Variants in SAR1B observed in about 807,000 individuals in gnomAD.
The protein encoded by SAR1B is small COPII coat GTPase SAR1B.
Under a neutral mutation model 26.8 loss-of-function variants are expected in SAR1B, and 23 were observed. The ratio of observed to expected loss-of-function variants is 0.86; its 90% CI spans 0.62 to 1.22. The LOEUF (loss-of-function observed/expected upper bound fraction) is 1.22. Among genes scored for constraint, SAR1B ranks in the 50% most tolerant of loss-of-function variants. SAR1B has a pLI of 0.00. For missense variants in SAR1B, 196 were observed against 232.8 expected (o/e 0.84, Z 1.03); for synonymous variants, 65 against 80.8 (o/e 0.80, Z 1.05).
At chr5:134,622,436 A>T (rs1765426006) in intron 2 of SAR1B, among the ~76,000 whole-genome samples, 1 of 137,576 alleles carries the variant, frequency 7.3e-6, no homozygotes. Flanking sequence ...TTTGAGACGG[A>T]GTCTCGCTCT....
At position 134,603,478 on chromosome 5, in the gene SAR1B, T is replaced by C. The variant is rs1765075195; in HGVS notation, c.*3472A>G. 6.6e-6 allele frequency: 1 copy of C among 152,254 alleles called. No individual in the cohort carries two copies. Among genetic ancestry groups the C allele is most frequent in the South Asian group, 2.1e-4 (1 of 4,836 alleles). 9.4% of individuals were successfully genotyped at this position (152,254 alleles called of 1,614,324 possible). On this transcript the variant is annotated 3_prime_UTR_variant, in exon 7 of 7. Transcript: ENST00000402673. ...ATTTTAATGATTTACAAGTAGTTTA[T>C]GCGCTTTCCATCACTATAAAGTATG...
At position 134,611,099 on chromosome 5, in the gene SAR1B, G is replaced by T. The variant is rs183187314; in HGVS notation, c.245-1425C>A. Among the ~76,000 whole-genome samples the T allele has an allele frequency of 2.2e-4, 33 of 152,176 alleles. No homozygotes were observed. In the East Asian group the frequency reaches 6.4e-3, roughly 29 times the overall value. On this transcript the variant is annotated intron_variant, in intron 4 of 6. Coordinates refer to ENST00000402673, the MANE Select transcript of SAR1B (RefSeq NM_016103.4). ...GCTGGTCTTGAACTCCTGGCTTCAAGTGATCCTCCCAACCTCAGCCTCTCA... is the reference window on the plus strand; with the variant it reads ...GCTGGTCTTGAACTCCTGGCTTCAATTGATCCTCCCAACCTCAGCCTCTCA...
At position 134,606,823 on chromosome 5, in the gene SAR1B, A is replaced by G. The variant is rs1765135101; in HGVS notation, c.*127T>C. ...CTCATTCAAATTAAGTTGATTTAAT[A>G]TTAATAATCTAAAAAACATCTGTTT... is the stretch of plus-strand genomic sequence containing the variant. On this transcript the variant is annotated 3_prime_UTR_variant, in exon 7 of 7. Transcript: ENST00000402673. The G allele has an allele frequency of 8.1e-6, 6 of 742,544 alleles. No homozygotes were observed. The highest frequency in any genetic ancestry group is 7.1e-5 in the South Asian group (5 of 70,810). The allele number at this position is 742,544 out of a possible 1,614,324, so 46.0% of individuals were successfully genotyped here.
chr5:134,618,105 CAGG>C (rs965010545), intron 3 of SAR1B: 6 of 152,054 alleles, frequency 3.9e-5, no homozygotes, highest in African/African-American at 1.4e-4. Flanking sequence ...ATCACGAGGT[CAGG>C]AGATCGAGAC....
intron 3 of SAR1B, among the ~76,000 whole-genome samples, chr5:134,618,034 TTGGCCGGGC>T (rs1765342764): frequency 6.6e-6 from 1 of 152,174 alleles, no homozygotes; most frequent in African/African-American, 2.4e-5. Flanking sequence ...AAAAGATTTG[TTGGCCGGGC>T]GCAGTGGCTG....
rs1325452571 is a variant in SAR1B at position 134,632,739 on chromosome 5, G to A, written c.-30C>T. The A allele has an allele frequency of 2.6e-5, 4 of 152,482 alleles. No homozygotes were observed. Among genetic ancestry groups the A allele is most frequent in the African/African-American group, 9.6e-5 (4 of 41,476 alleles). The allele number at this position is 152,482 out of a possible 1,614,324, so 9.4% of individuals were successfully genotyped here. ...GGGCTGTCACTCACCTGCGACTGGAGGGAACGCAATCCCCTACTTGGCGTT... is the reference window on the plus strand; with the variant it reads ...GGGCTGTCACTCACCTGCGACTGGAAGGAACGCAATCCCCTACTTGGCGTT... On this transcript the variant is annotated 5_prime_UTR_variant, in exon 1 of 7. Transcript: ENST00000402673.
At chr5:134,625,365 T>C (rs755224927) in intron 1 of SAR1B, among the ~76,000 whole-genome samples, 4 of 151,934 alleles carry the variant, frequency 2.6e-5, no homozygotes, top group Non-Finnish European at 5.9e-5. Context: ...ACATCCAGAA[T>C]AGAAATGAAA....
Position 134,619,421 on chromosome 5 carries a change from G to A in SAR1B, c.178+1512C>T, listed in dbSNP as rs555178465. On this transcript the variant is annotated intron_variant, in intron 3 of 6. Transcript: ENST00000402673. ...TTGCCCAGGTTAGGAGTGCAGTGGT[G>A]CAATCATAGCTCAGTGAAGCCTTGA... Among the ~76,000 whole-genome samples, 7 of 151,774 alleles carry A rather than the reference G, an allele frequency of 4.6e-5. No homozygotes were observed. In the East Asian group the frequency reaches 1.2e-3, roughly 25 times the overall value.
rs1017881564 is a variant in SAR1B, at chr5:134,605,837, C to T, written c.*1113G>A. 1 of 152,174 alleles carries T rather than the reference C, an allele frequency of 6.6e-6. No individual in the cohort carries two copies. The highest frequency in any genetic ancestry group is 1.5e-5 in the Non-Finnish European group (1 of 68,026). The allele number at this position is 152,174 out of a possible 1,614,324, so 9.4% of individuals were successfully genotyped here. A position where few individuals can be genotyped will look rare whatever the true frequency, so the allele number is the denominator to read the frequency against. ...CTATAGGATAGGAACAAAATCTCCACATATCTCAGACTGACACAGAACAAG... is the reference window on the plus strand; with the variant it reads ...CTATAGGATAGGAACAAAATCTCCATATATCTCAGACTGACACAGAACAAG... On this transcript the variant is annotated 3_prime_UTR_variant, in exon 7 of 7. Coordinates refer to ENST00000402673, the MANE Select transcript of SAR1B (RefSeq NM_016103.4).
chr5:134,625,205 G>A (rs74478808), intron 1 of SAR1B, among the ~76,000 whole-genome samples: 6,291 of 152,130 alleles, frequency 0.041, 409 homozygotes, highest in African/African-American at 0.14. Context: ...GCTACTATGG[G>A]GAATGAATCA....
At chr5:134,620,426 G>A (rs997489082) in intron 3 of SAR1B, among the ~76,000 whole-genome samples, 1 of 152,150 alleles carries the variant, frequency 6.6e-6, no homozygotes, top group Non-Finnish European at 1.5e-5. Flanking sequence ...GCTAGAGAAG[G>A]GAGTACTAGC....
At chr5:134,623,477 C>T (rs893703552) in intron 2 of SAR1B, among the ~76,000 whole-genome samples, 5 of 123,020 alleles carry the variant, frequency 4.1e-5, no homozygotes, top group African/African-American at 1.6e-4. Context: ...GCCTGGGCAA[C>T]ATAGCAAGAC....
rs1765038358 is a variant in SAR1B, at chr5:134,601,795, T to C, written c.*5155A>G. The C allele has an allele frequency of 6.6e-6, 1 of 152,234 alleles. No homozygotes were observed. The highest frequency in any genetic ancestry group is 2.1e-4 in the South Asian group (1 of 4,830). The allele number at this position is 152,234 out of a possible 1,614,324, so 9.4% of individuals were successfully genotyped here. On this transcript the variant is annotated 3_prime_UTR_variant, in exon 7 of 7. Transcript: ENST00000402673. ...GGCGCAGTGGTTCACGCCTATAATC[T>C]AGCACTTTGGGAGGCTGAGGCAGGT...
chr5:134,630,888 T>TTTTTTTTTTTTG (rs1765590532), intron 1 of SAR1B, among the ~76,000 whole-genome samples: 1 of 146,034 alleles, frequency 6.8e-6, no homozygotes, highest in Non-Finnish European at 1.5e-5. Flanking sequence ...TCTTTTTTTT[T>TTTTTTTTTTTTG]CTTTTTTTTT....
chr5:134,632,365 C>CA (rs1380768946), intron 1 of SAR1B, among the ~76,000 whole-genome samples: 4 of 152,160 alleles, frequency 2.6e-5, no homozygotes. Context: ...GCGCTGAAAA[C>CA]ACCAGGCCGT....
intron 1 of SAR1B, chr5:134,632,314 T>C (rs1765621429): frequency 6.6e-6 from 1 of 152,168 alleles, no homozygotes; most frequent in Admixed American, 6.5e-5. Context: ...CGTTAACCAG[T>C]ACTAGTAAGG....
intron 4 of SAR1B, among the ~76,000 whole-genome samples, chr5:134,610,566 C>CAAA (rs55682339): frequency 5.1e-5 from 2 of 39,024 alleles, no homozygotes; most frequent in African/African-American, 2.3e-4. Flanking sequence ...GACTCCGTCT[C>CAAA]AAAAAAAAAA....
rs555970763 is a variant in SAR1B, at chr5:134,612,240, T to A, written c.244+451A>T. Among the ~76,000 whole-genome samples, 6 of 152,300 alleles carry A rather than the reference T, an allele frequency of 3.9e-5. 1 individual carries two copies. The South Asian group carries it at 1.2e-3, about 32-fold the overall frequency. On this transcript the variant is annotated intron_variant, in intron 4 of 6. Transcript: ENST00000402673. ...GGAAGTTAATTTTACTCATACACTT[T>A]ACCACCAAAAGCAATTCTCATTTGA... is the stretch of plus-strand genomic sequence containing the variant.
chr5:134,608,353 ATTT>A lies in SAR1B; in HGVS notation c.480+16_480+18del, dbSNP rs199526981. ...TGTAGAATTAAACACACCCATCATA[ATTT>A]TTTTTTTTTTTTTACCTTTCCTGTT... On this transcript the variant is annotated intron_variant, in intron 6 of 6. Transcript: ENST00000402673. 3.6e-4 allele frequency: 533 copies of A among 1,463,018 alleles called. No homozygotes were observed. Among genetic ancestry groups the A allele is most frequent in the East Asian group, 7.3e-4 (29 of 39,640 alleles). 90.6% of individuals were successfully genotyped at this position (1,463,018 alleles called of 1,614,324 possible).
Sources: gnomAD v4.1 joint callset for allele counts (sites outside exome capture counted in the v4.1 genomes callset) on GRCh38, gnomAD v4.1.1 for gene constraint, MANE v1.5 for transcripts, NCBI Gene and HGNC (gene_info 2026-07-23, HGNC 2026-07-21) for gene names.